Variants in PCDHA4 observed in about 807,000 individuals in gnomAD.
PCDHA4 encodes the protein protocadherin alpha 4.
A neutral mutation model predicts 61.4 loss-of-function variants in PCDHA4; 49 were observed. That is an observed-to-expected ratio of 0.80 (90% CI 0.63 to 1.01). The LOEUF is 1.01. PCDHA4 is among the 50% of genes least tolerant of loss of function. The pLI, the probability that PCDHA4 is intolerant of heterozygous loss-of-function variation, is 0.00. For missense variants in PCDHA4, 1,254 were observed against 1,235.8 expected, an observed-to-expected ratio of 1.01 and a Z score of -0.22; for synonymous variants, 590 against 550.3, an observed-to-expected ratio of 1.07 and a Z score of -1.01.
intron 1 of PCDHA4, among the ~76,000 whole-genome samples, chr5:140,892,670 A>G (rs35160890): frequency 0.3 from 45,256 of 152,112 alleles, 7,290 homozygotes; most frequent in East Asian, 0.53. Context: ...ATTTTGATAC[A>G]TATATACAAT....
intron 1 of PCDHA4, chr5:140,882,011 ATAC>A (rs1437092618): frequency 3.8e-6 from 2 of 531,314 alleles, no homozygotes; most frequent in Admixed American, 3.8e-5. Flanking sequence ...GGGCAAAAAA[ATAC>A]TACATCAATG....
At chr5:140,821,698 T>C (rs1554128149) in intron 1 of PCDHA4, 1 of 1,403,310 alleles carries the variant, frequency 7.1e-7, no homozygotes, top group African/African-American at 1.4e-5. Flanking sequence ...AAAAAATATA[T>C]AGTTAATTGG....
chr5:140,850,472 G>A (rs2150485623), intron 1 of PCDHA4: 1 of 1,598,076 alleles, frequency 6.3e-7, no homozygotes, highest in South Asian at 1.1e-5. Context: ...AGCCAGCGCT[G>A]ACGGCCACGG....
intron 1 of PCDHA4, chr5:140,967,210 C>T (rs146322183): frequency 1.4e-4 from 231 of 1,613,674 alleles, no homozygotes; most frequent in Admixed American, 5.0e-4. Flanking sequence ...CACCGCGTTT[C>T]CCGCGGCCCA....
chr5:140,807,238 A>C lies in PCDHA4; in HGVS notation c.51A>C (p.Leu17Phe). ...SGQESRRLLLLLLLLAAWEAG... is the reference protein window; with the variant it reads ...SGQESRRLLLFLLLLAAWEAG... Reference sequence around the variant, plus strand: ...AGGAATCCCGGCGTCTGCTGCTCTTACTTCTTCTCCTCGCAGCCTGGGAGG... The same window carrying C: ...AGGAATCCCGGCGTCTGCTGCTCTTCCTTCTTCTCCTCGCAGCCTGGGAGG... Residue 17 changes from leucine (L) to phenylalanine (F), a missense_variant, in exon 1 of 4, where the codon TTA becomes TTC. Leu to Phe is a conservative substitution (Grantham distance 22). Transcript: ENST00000530339. 6.2e-7 allele frequency: 1 copy of C among 1,614,128 alleles called. No individual in the cohort carries two copies. The highest frequency in any genetic ancestry group is 1.3e-5 in the African/African-American group (1 of 75,038).
At chr5:140,832,735 T>C (rs1373705667) in intron 1 of PCDHA4, among the ~76,000 whole-genome samples, 2 of 152,316 alleles carry the variant, frequency 1.3e-5, no homozygotes, top group Non-Finnish European at 1.5e-5. Context: ...GTATCCTACA[T>C]AAATACGATG....
intron 1 of PCDHA4, among the ~76,000 whole-genome samples, chr5:140,948,351 A>C (rs951541212): frequency 6.6e-6 from 1 of 151,646 alleles, no homozygotes; most frequent in African/African-American, 2.4e-5. Flanking sequence ...TTCTAACCTA[A>C]TAAAATGACT....
At chr5:141,003,173 G>A (rs782452600) in intron 3 of PCDHA4, among the ~76,000 whole-genome samples, 6 of 152,174 alleles carry the variant, frequency 3.9e-5, no homozygotes, top group Non-Finnish European at 5.9e-5. Context: ...AGTCCCTGAG[G>A]CTCAACTCCA....
rs781841380 is a variant in PCDHA4 at position 140,857,728 on chromosome 5, C to A, written c.2385+48156C>A. 89 of 1,597,306 alleles carry A rather than the reference C, an allele frequency of 5.6e-5. 11 individuals are homozygous for A. Among genetic ancestry groups the A allele is most frequent in the Non-Finnish European group, 7.3e-5 (85 of 1,167,718 alleles). On this transcript the variant is annotated intron_variant, in intron 1 of 3. Transcript: ENST00000530339. ...TGTTCGTGCTGGACGAGAACGACAA[C>A]GCTCCCGCGCTGCTGGCGTCTCCCG...
intron 1 of PCDHA4, chr5:140,877,128 G>C (rs782052511): frequency 3.1e-6 from 5 of 1,613,762 alleles, no homozygotes; most frequent in Non-Finnish European, 4.2e-6. Flanking sequence ...TGACGCTGCA[G>C]GTGTTCGTGC....
intron 1 of PCDHA4, among the ~76,000 whole-genome samples, chr5:140,900,353 C>T (rs1426808430): frequency 6.6e-6 from 1 of 152,092 alleles, no homozygotes; most frequent in Non-Finnish European, 1.5e-5. Flanking sequence ...TCTTGGCTCA[C>T]CGCAACCTCT....
chr5:140,947,760 A>C (rs1332466215), intron 1 of PCDHA4, among the ~76,000 whole-genome samples: 1 of 151,618 alleles, frequency 6.6e-6, no homozygotes, highest in Non-Finnish European at 1.5e-5. Context: ...TTATGGTTTA[A>C]AAAATTCTAT....
chr5:140,821,991 C>T lies in PCDHA4; in HGVS notation c.2385+12419C>T, dbSNP rs2150112767. On this transcript the variant is annotated intron_variant, in intron 1 of 3. Coordinates refer to ENST00000530339, the MANE Select transcript of PCDHA4 (RefSeq NM_018907.4). ...GGGTGGCGTCCAAGGGCCGCGGGGA[C>T]CTTCTGGAGGTAAATCTGCAGAATG... 1.9e-6 allele frequency: 3 copies of T among 1,614,126 alleles called. No individual in the cohort carries two copies. The South Asian group carries it at 3.3e-5, about 18-fold the overall frequency.
chr5:140,951,076 A>G (rs2094545866), intron 1 of PCDHA4, among the ~76,000 whole-genome samples: 1 of 151,566 alleles, frequency 6.6e-6, no homozygotes, highest in Non-Finnish European at 1.5e-5. Flanking sequence ...GCTTTCTTAT[A>G]TTTTCCTTTT....
intron 1 of PCDHA4, among the ~76,000 whole-genome samples, chr5:140,911,247 A>G (rs2075389238): frequency 6.6e-6 from 1 of 152,124 alleles, no homozygotes; most frequent in Non-Finnish European, 1.5e-5. Context: ...AAAAAGTTTC[A>G]TCAGAATTTA....
intron 1 of PCDHA4, chr5:140,884,167 G>A: frequency 4.3e-6 from 7 of 1,613,412 alleles, no homozygotes; most frequent in Non-Finnish European, 5.1e-6. Context: ...AGATCAGCAC[G>A]ACGCGCCCTC....
intron 1 of PCDHA4, chr5:140,878,115 A>T: frequency 4.3e-6 from 1 of 232,352 alleles, no homozygotes; most frequent in Non-Finnish European, 8.1e-6. Flanking sequence ...AAAAAACAGT[A>T]TATTAGATTA....
In PCDHA4 at chr5:140,853,170, C is replaced by T. The variant is rs1034307381; in HGVS notation, c.2385+43598C>T. 1.5e-5 allele frequency: 14 copies of T among 964,092 alleles called. 1 individual carries two copies. The highest frequency in any genetic ancestry group is 4.8e-5 in the South Asian group (1 of 20,842). The allele number at this position is 964,092 out of a possible 1,614,324, so 59.7% of individuals were successfully genotyped here. A position where few individuals can be genotyped will look rare whatever the true frequency, so the allele number is the denominator to read the frequency against. ...CTGGGATTACAGGCGTGAGCCACCGCGCCTGGCCTAAAATGTGTTCTTTAT... is the reference window on the plus strand; with the variant it reads ...CTGGGATTACAGGCGTGAGCCACCGTGCCTGGCCTAAAATGTGTTCTTTAT... On this transcript the variant is annotated intron_variant, in intron 1 of 3. Transcript: ENST00000530339.
intron 1 of PCDHA4, chr5:140,876,926 A>C (rs782589579): frequency 6.2e-7 from 1 of 1,613,842 alleles, no homozygotes; most frequent in East Asian, 2.2e-5. Context: ...GCGGACGCGC[A>C]GAAGAACGCG....
Sources: gnomAD v4.1 joint callset for allele counts (sites outside exome capture counted in the v4.1 genomes callset) on GRCh38, gnomAD v4.1.1 for gene constraint, MANE v1.5 for transcripts, NCBI Gene and HGNC (gene_info 2026-07-23, HGNC 2026-07-21) for gene names.